The following SCAP variants were observed in gnomAD, a reference collection of about 807,000 sequenced individuals.
SCAP encodes the protein SREBF chaperone.
A neutral mutation model predicts 123.6 loss-of-function variants in SCAP; 65 were observed. That is an observed-to-expected ratio of 0.53 (90% confidence interval 0.43 to 0.65). The LOEUF (loss-of-function observed/expected upper bound fraction) is 0.65. Among genes scored for constraint, SCAP ranks in the 30% least tolerant of loss-of-function variants. SCAP has a pLI of 0.00. For missense variants in SCAP, 1,398 were observed against 1,712.5 expected, an observed-to-expected ratio of 0.82 and a Z score of 3.24; for synonymous variants, 740 against 726.3, an observed-to-expected ratio of 1.02 and a Z score of -0.30.
In SCAP at chr3:47,420,849, G is replaced by C; in HGVS notation, c.1345-77C>G. 6.9e-7 allele frequency: 1 copy of C among 1,448,532 alleles called. No homozygotes were observed. The highest frequency in any genetic ancestry group is 1.8e-4 in the Middle Eastern group (1 of 5,558). The allele number at this position is 1,448,532 out of a possible 1,614,324, so 89.7% of individuals were successfully genotyped here. A position where few individuals can be genotyped will look rare whatever the true frequency, so the allele number is the denominator to read the frequency against. On this transcript the variant is annotated intron_variant, in intron 11 of 22. Coordinates refer to ENST00000265565, the MANE Select transcript of SCAP (RefSeq NM_012235.4). The surrounding 1 kb of genome is among the most constrained non-coding windows in gnomAD (Gnocchi z 5.0). ...GCACAGGACCGCTGTCCTGCCCGAG[G>C]TCTACACCCTTCTCACCCAGGACTC...
chr3:47,445,196 T>C (rs570567060), intron 1 of SCAP, among the ~76,000 whole-genome samples: 2 of 152,236 alleles, frequency 1.3e-5, no homozygotes, highest in South Asian at 4.1e-4. Context: ...AGTGCTGTGA[T>C]GAACATTCTA....
intron 1 of SCAP, among the ~76,000 whole-genome samples, chr3:47,447,695 AAAAAGAAAAG>A: frequency 6.6e-6 from 1 of 151,710 alleles, no homozygotes; most frequent in Admixed American, 6.6e-5. Context: ...ACTCAAAAAA[AAAAAGAAAAG>A]AAAAGAAAAA....
chr3:47,417,951 GT>G (rs1705694029), intron 16 of SCAP, 125 bp from the exon 17 acceptor site: 6 of 457,508 alleles, frequency 1.3e-5, no homozygotes, highest in East Asian at 3.9e-5. Context: ...GGGGGAGAGG[GT>G]GGTGCGGGGT....
chr3:47,434,220 A>C (rs1310765606), intron 3 of SCAP, among the ~76,000 whole-genome samples: 1 of 152,218 alleles, frequency 6.6e-6, no homozygotes, highest in Non-Finnish European at 1.5e-5. Flanking sequence ...GAGAAGGGGG[A>C]GGAGAGCTCT....
intron 1 of SCAP, chr3:47,469,832 CA>C: frequency 1.7e-6 from 1 of 585,896 alleles, no homozygotes. Flanking sequence ...GGGCAGTTGG[CA>C]AGACTCCATT....
At chr3:47,468,878 T>C (rs1340370131) in intron 1 of SCAP, among the ~76,000 whole-genome samples, 3 of 152,196 alleles carry the variant, frequency 2.0e-5, no homozygotes, top group African/African-American at 7.2e-5. Context: ...CTTTAATCCA[T>C]CTTGAATTGA....
At chr3:47,461,444 C>T (rs188501070) in intron 1 of SCAP, among the ~76,000 whole-genome samples, 1 of 152,300 alleles carries the variant, frequency 6.6e-6, no homozygotes, top group East Asian at 1.9e-4. Context: ...CACAATTCTT[C>T]CAAATGTTCA....
rs1449525485 is a variant in SCAP at position 47,451,494 on chromosome 3, C to T, written c.-98-8403G>A. ...CTCACTGCAGCCTCCACCTCCCAGG[C>T]TCAATCAATTCTCCCACTTCAGCCT... is the stretch of plus-strand genomic sequence containing the variant. On this transcript the variant is annotated intron_variant, in intron 1 of 22. Transcript: ENST00000265565. Among the ~76,000 whole-genome samples the T allele has an allele frequency of 2.6e-5, 3 of 113,336 alleles. 1 individual carries two copies. Among genetic ancestry groups the T allele is most frequent in the Non-Finnish European group, 3.8e-5 (2 of 52,998 alleles). 74.4% of individuals were successfully genotyped at this position (113,336 alleles called of 152,430 possible). A position where few individuals can be genotyped will look rare whatever the true frequency, so the allele number is the denominator to read the frequency against.
Position 47,443,073 on chromosome 3 carries a change from G to C in SCAP, c.-80C>G. The C allele has an allele frequency of 6.3e-7, 1 of 1,599,408 alleles. No homozygotes were observed. Among genetic ancestry groups the C allele is most frequent in the African/African-American group, 1.3e-5 (1 of 74,748 alleles). ...GCACACACTTGACAGCACTGACAAA[G>C]AACAACATGTGCAGGTACCTGGTAA... On this transcript the variant is annotated 5_prime_UTR_variant, in exon 2 of 23. Coordinates refer to ENST00000265565, the MANE Select transcript of SCAP (RefSeq NM_012235.4).
At position 47,417,547 on chromosome 3, in the gene SCAP, G is replaced by T. The variant is rs1485819030; in HGVS notation, c.2727C>A (p.Gly909=). The T allele has an allele frequency of 6.4e-7, 1 of 1,574,236 alleles. No homozygotes were observed. Among genetic ancestry groups the T allele is most frequent in the Non-Finnish European group, 8.6e-7 (1 of 1,160,588 alleles). Residue 909 remains glycine (G), a synonymous_variant, in exon 17 of 23, where the codon GGC becomes GGA. Transcript: ENST00000265565. Reference sequence around the variant, plus strand: ...GCTGCACCAGGCAGCTGAAGTCATAGCCTGGGGAGTCCCGAGAGCGGCCAC... The same window carrying T: ...GCTGCACCAGGCAGCTGAAGTCATATCCTGGGGAGTCCCGAGAGCGGCCAC... ...AVCGRSRDSP[G]YDFSCLVQRV... is the part of the protein sequence containing the mutation.
At chr3:47,456,550 G>A (rs891968933) in intron 1 of SCAP, among the ~76,000 whole-genome samples, 7 of 152,130 alleles carry the variant, frequency 4.6e-5, no homozygotes, top group African/African-American at 1.7e-4. Context: ...TGGATCACCT[G>A]AGGTCAGGAG....
At chr3:47,453,891 C>T (rs1010743754) in intron 1 of SCAP, among the ~76,000 whole-genome samples, 1 of 152,120 alleles carries the variant, frequency 6.6e-6, no homozygotes, top group Non-Finnish European at 1.5e-5. Flanking sequence ...TCCATTCAGC[C>T]TTCAGGCACT....
rs377011536 is a variant in SCAP, at chr3:47,414,663, G to C, written c.3307-11C>G. 6.2e-7 allele frequency: 1 copy of C among 1,613,080 alleles called. No individual in the cohort carries two copies. ...CTCCAGACGGAACACCTGGGACAGG[G>C]ATGGGCCTCAGGTTCTGGTCTCTGG... On this transcript the variant is annotated splice_polypyrimidine_tract_variant and intron_variant, in intron 20 of 22. Transcript: ENST00000265565.
intron 5 of SCAP, 30 bp downstream of exon 5, chr3:47,427,417 A>T (rs1559547951): frequency 6.2e-7 from 1 of 1,606,408 alleles, no homozygotes; most frequent in East Asian, 2.2e-5. Context: ...GCACCTTTAC[A>T]GGTCTGAAGG....
intron 3 of SCAP, among the ~76,000 whole-genome samples, chr3:47,433,740 T>A (rs1706459213): frequency 6.6e-6 from 1 of 151,986 alleles, no homozygotes; most frequent in Non-Finnish European, 1.5e-5. Flanking sequence ...GGTGGCAACA[T>A]GCCTGTAGTC....
intron 1 of SCAP, among the ~76,000 whole-genome samples, chr3:47,459,283 C>G (rs1191543134): frequency 2.0e-5 from 3 of 152,214 alleles, no homozygotes; most frequent in Non-Finnish European, 4.4e-5. Flanking sequence ...TCAGGCCACA[C>G]AGGCTAAACA....
intron 2 of SCAP, among the ~76,000 whole-genome samples, chr3:47,440,276 C>T (rs988224363): frequency 2.0e-5 from 3 of 152,142 alleles, no homozygotes; most frequent in Admixed American, 6.5e-5. Flanking sequence ...CAATCCCAGG[C>T]TCTGGAAGAA....
At chr3:47,465,610 A>T (rs894504655) in intron 1 of SCAP, among the ~76,000 whole-genome samples, 1 of 151,820 alleles carries the variant, frequency 6.6e-6, no homozygotes, top group African/African-American at 2.4e-5. Context: ...CTCTACAAAA[A>T]ATTTTTTAAT....
chr3:47,414,774 C>A, intron 20 of SCAP, 53 bp downstream of exon 20: 1 of 1,600,132 alleles, frequency 6.2e-7, no homozygotes, highest in East Asian at 2.2e-5. Context: ...ATGCATCAGG[C>A]TCCCACCCCG....
Sources: gnomAD v4.1 joint callset for allele counts (sites outside exome capture counted in the v4.1 genomes callset) on GRCh38, gnomAD v4.1.1 for gene constraint, Gnocchi (gnomAD v3.1) non-coding constraint, MANE v1.5 for transcripts, NCBI Gene and HGNC (gene_info 2026-07-23, HGNC 2026-07-21) for gene names.